SLC25A42: variants seen among roughly 807,000 people sequenced by gnomAD.
SLC25A42 encodes mitochondrial coenzyme A transporter SLC25A42.
In SLC25A42, 19 loss-of-function variants were observed where a neutral mutation model predicts 34.7. That is an observed-to-expected ratio of 0.55 (90% confidence interval 0.38 to 0.80). The LOEUF (loss-of-function observed/expected upper bound fraction) is 0.80, where lower values mean the gene tolerates loss of function less well. Ranked by LOEUF, SLC25A42 falls within the 30% of genes least tolerant of loss-of-function variation. SLC25A42 has a pLI of 0.00. For synonymous variants in SLC25A42, 205 were observed against 191.2 expected (o/e 1.07, Z -0.59); for missense variants, 364 against 441.3 (o/e 0.82, Z 1.57).
At position 19,068,254 on chromosome 19, in the gene SLC25A42, C is replaced by A. The variant is rs146632000; in HGVS notation, c.-35+4139C>A. ...CCTGTAATCCTAGCTACTCAGGAAG[C>A]TGAGGCAGGAGAATTGCTTGAACCC... On this transcript the variant is annotated intron_variant, in intron 1 of 7. Coordinates refer to ENST00000318596, the MANE Select transcript of SLC25A42 (RefSeq NM_178526.5). Among the ~76,000 whole-genome samples the A allele has an allele frequency of 1.1e-3, 165 of 151,406 alleles. 1 individual carries two copies. The East Asian group carries it at 0.028, about 26-fold the overall frequency.
In SLC25A42 at chr19:19,081,619, G is replaced by A. The variant is rs1026115645; in HGVS notation, c.-34-14472G>A. 2.6e-5 allele frequency among the ~76,000 whole-genome samples: 4 copies of A among 152,056 alleles called. No homozygotes were observed. The highest frequency in any genetic ancestry group is 4.4e-5 in the Non-Finnish European group (3 of 68,004). On this transcript the variant is annotated intron_variant, in intron 1 of 7. Coordinates refer to ENST00000318596, the MANE Select transcript of SLC25A42 (RefSeq NM_178526.5). The surrounding 1 kb of genome is among the most constrained non-coding windows in gnomAD (Gnocchi z 4.5). Reference sequence around the variant, plus strand: ...TCATGGGAACTGGGGCTTCCTCCCCGAACCCATCCAAGCCTCCCTGTCCCA... The same window carrying A: ...TCATGGGAACTGGGGCTTCCTCCCCAAACCCATCCAAGCCTCCCTGTCCCA...
In SLC25A42 at chr19:19,111,540, G is replaced by C. The variant is rs1469755216; in HGVS notation, c.*664G>C. The C allele has an allele frequency of 6.5e-6, 1 of 153,164 alleles. No homozygotes were observed. Among genetic ancestry groups the C allele is most frequent in the Non-Finnish European group, 1.5e-5 (1 of 68,782 alleles). 9.5% of individuals were successfully genotyped at this position (153,164 alleles called of 1,614,324 possible). A position where few individuals can be genotyped will look rare whatever the true frequency, so the allele number is the denominator to read the frequency against. ...CCTGCAAGCAGCTGGGTCCCCAAGA[G>C]TGCATCTCCCCCTAGAGTTGCCTGC... On this transcript the variant is annotated 3_prime_UTR_variant, in exon 8 of 8. Coordinates refer to ENST00000318596, the MANE Select transcript of SLC25A42 (RefSeq NM_178526.5).
chr19:19,094,515 G>A (rs2059754514), intron 1 of SLC25A42, among the ~76,000 whole-genome samples: 1 of 152,052 alleles, frequency 6.6e-6, no homozygotes, highest in African/African-American at 2.4e-5. Context: ...CTCCACGTAC[G>A]TGCTCTAGGC....
chr19:19,070,013 A>T (rs920599290), intron 1 of SLC25A42, among the ~76,000 whole-genome samples: 7 of 151,708 alleles, frequency 4.6e-5, no homozygotes, highest in Non-Finnish European at 8.8e-5. Flanking sequence ...TATTTTTTTG[A>T]GACAGAGTCT....
chr19:19,076,305 A>T (rs574129832), intron 1 of SLC25A42, among the ~76,000 whole-genome samples: 2 of 152,074 alleles, frequency 1.3e-5, no homozygotes, highest in South Asian at 4.2e-4. Context: ...TCTACTAAAA[A>T]AAAAAAATAC....
Position 19,081,228 on chromosome 19 carries a change from C to T in SLC25A42, c.-34-14863C>T, listed in dbSNP as rs1599670322. ...TCCCCACAGACTTGTCATTGGGGCA[C>T]ATTTCTGCAGGATGTCCCAAGTGGC... On this transcript the variant is annotated intron_variant, in intron 1 of 7. Transcript: ENST00000318596. The surrounding 1 kb of genome is among the most constrained non-coding windows in gnomAD (Gnocchi z 4.5). 1.3e-5 allele frequency among the ~76,000 whole-genome samples: 2 copies of T among 152,190 alleles called. No individual in the cohort carries two copies. The highest frequency in any genetic ancestry group is 3.9e-4 in the East Asian group (2 of 5,174).
rs1169109718 is a variant in SLC25A42 at position 19,109,138 on chromosome 19, G to A, written c.649+1093G>A. Among the ~76,000 whole-genome samples the A allele has an allele frequency of 6.6e-6, 1 of 152,240 alleles. No individual in the cohort carries two copies. Reference sequence around the variant, plus strand: ...CCAAGTGGAGTCAGCTCACCCGGGAGTGCAGCTCCCAGCTCAGCTGGTTTG... The same window carrying A: ...CCAAGTGGAGTCAGCTCACCCGGGAATGCAGCTCCCAGCTCAGCTGGTTTG... On this transcript the variant is annotated intron_variant, in intron 7 of 7. Transcript: ENST00000318596. The surrounding 1 kb of genome is among the most constrained non-coding windows in gnomAD (Gnocchi z 4.1).
chr19:19,091,102 G>A (rs1485224432), intron 1 of SLC25A42, among the ~76,000 whole-genome samples: 3 of 152,186 alleles, frequency 2.0e-5, no homozygotes, highest in Admixed American at 1.3e-4. Context: ...CAGTTCTGCG[G>A]TCTGTCCTAC....
chr19:19,066,535 G>A (rs568247657), intron 1 of SLC25A42, among the ~76,000 whole-genome samples: 5 of 149,110 alleles, frequency 3.4e-5, no homozygotes, highest in South Asian at 4.2e-4. Flanking sequence ...TGCAAGCTCC[G>A]CCTCCCAAGT....
intron 1 of SLC25A42, among the ~76,000 whole-genome samples, chr19:19,074,174 G>GA (rs1164852857): frequency 1.3e-5 from 2 of 152,228 alleles, no homozygotes; most frequent in African/African-American, 4.8e-5. Context: ...ATTGATCATA[G>GA]AATTTCCTGG....
At chr19:19,067,441 G>A (rs922501222) in intron 1 of SLC25A42, among the ~76,000 whole-genome samples, 2 of 151,990 alleles carry the variant, frequency 1.3e-5, no homozygotes, top group African/African-American at 2.4e-5. Context: ...AAAATTAGCC[G>A]GGCGTGGTGG....
At chr19:19,100,586 C>T (rs1039507364) in intron 2 of SLC25A42, among the ~76,000 whole-genome samples, 3 of 152,182 alleles carry the variant, frequency 2.0e-5, no homozygotes, top group Non-Finnish European at 2.9e-5. Flanking sequence ...AAGTGACCTG[C>T]ACCTCATCCT....
intron 6 of SLC25A42, chr19:19,106,654 C>G (rs1473075446): frequency 9.2e-5 from 23 of 249,854 alleles, no homozygotes; most frequent in Non-Finnish European, 1.5e-5. Flanking sequence ...AGAATACGGC[C>G]GGGCACGGTG....
chr19:19,100,538 T>G (rs1331520980), intron 2 of SLC25A42, among the ~76,000 whole-genome samples: 1 of 152,032 alleles, frequency 6.6e-6, no homozygotes, highest in Non-Finnish European at 1.5e-5. Context: ...CCTCTGAGTA[T>G]TCATTCCTCC....
At chr19:19,088,511 C>T (rs773014083) in intron 1 of SLC25A42, among the ~76,000 whole-genome samples, 1 of 148,872 alleles carries the variant, frequency 6.7e-6, no homozygotes, top group Admixed American at 6.7e-5. Flanking sequence ...TGGCCCGAGA[C>T]GGAGTTTCAC....
intron 7 of SLC25A42, among the ~76,000 whole-genome samples, chr19:19,110,268 G>A (rs944164409): frequency 6.6e-6 from 1 of 152,156 alleles, no homozygotes; most frequent in Non-Finnish European, 1.5e-5. Context: ...GCTTGAACCC[G>A]GGAGGCGGAG....
At chr19:19,108,569 C>T (rs1359636410) in intron 7 of SLC25A42, among the ~76,000 whole-genome samples, 1 of 150,132 alleles carries the variant, frequency 6.7e-6, no homozygotes, top group Non-Finnish European at 1.5e-5. Context: ...AAAAAAGTGA[C>T]TCTGGGAAGC....
intron 1 of SLC25A42, among the ~76,000 whole-genome samples, chr19:19,074,306 G>A (rs568994083): frequency 6.6e-6 from 1 of 152,350 alleles, no homozygotes; most frequent in African/African-American, 2.4e-5. Context: ...GGCAGCCTGC[G>A]GGGTTGGGGT....
At position 19,082,975 on chromosome 19, in the gene SLC25A42, C is replaced by T. The variant is rs138449205; in HGVS notation, c.-34-13116C>T. Among the ~76,000 whole-genome samples the T allele has an allele frequency of 8.8e-3, 1,336 of 152,082 alleles. 11 individuals carry two copies. The highest frequency in any genetic ancestry group is 0.014 in the Non-Finnish European group (975 of 67,978). The stretch of plus-strand genomic sequence containing the variant: ...CTGGGACTACAGGTGCGTGCCACCA[C>T]ACCCAGCTAATTTTTTTTGTATTTT... On this transcript the variant is annotated intron_variant, in intron 1 of 7. Transcript: ENST00000318596.
Sources: allele counts gnomAD v4.1 joint callset (sites outside exome capture counted in the v4.1 genomes callset), GRCh38; gene constraint gnomAD v4.1.1; non-coding constraint Gnocchi (gnomAD v3.1); transcripts MANE v1.5; gene names NCBI Gene and HGNC (gene_info 2026-07-23, HGNC 2026-07-21).